PAK5: variants seen among roughly 807,000 people sequenced by gnomAD.
PAK5 encodes the protein serine/threonine-protein kinase PAK 5.
PAK5 carries 16 observed loss-of-function variants against 65.9 expected under a neutral mutation model. The ratio of observed to expected loss-of-function variants is 0.24; its 90% CI spans 0.16 to 0.37. The LOEUF is 0.37. PAK5 is among the 10% of genes least tolerant of loss of function. The pLI is 1.00. For missense variants in PAK5, 785 were observed against 903.9 expected, an observed-to-expected ratio of 0.87 and a Z score of 1.69; for synonymous variants, 371 against 354.9, an observed-to-expected ratio of 1.05 and a Z score of -0.51.
chr20:9,581,323 T>G (rs1353032089), intron 3 of PAK5, among the ~76,000 whole-genome samples: 7 of 152,208 alleles, frequency 4.6e-5, no homozygotes. Context: ...CTATAACTGT[T>G]TGGTAATAAA....
chr20:9,685,422 A>T (rs1008688800), intron 2 of PAK5, among the ~76,000 whole-genome samples: 6 of 152,204 alleles, frequency 3.9e-5, no homozygotes, highest in Non-Finnish European at 7.3e-5. Context: ...GAAAATATGG[A>T]CACGGATATA....
At chr20:9,561,188 C>G (rs1460567938) in intron 6 of PAK5, among the ~76,000 whole-genome samples, 1 of 152,016 alleles carries the variant, frequency 6.6e-6, no homozygotes, top group Non-Finnish European at 1.5e-5. Flanking sequence ...AGTTGACAAT[C>G]CTGGATGAGA....
At chr20:9,649,596 C>A (rs2047177343) in intron 2 of PAK5, among the ~76,000 whole-genome samples, 1 of 152,168 alleles carries the variant, frequency 6.6e-6, no homozygotes, top group Admixed American at 6.5e-5. Context: ...AAGCATATGC[C>A]TAGTCTAAAA....
At chr20:9,543,492 C>G (rs2045298923) in intron 8 of PAK5, among the ~76,000 whole-genome samples, 1 of 152,074 alleles carries the variant, frequency 6.6e-6, no homozygotes, top group Admixed American at 6.5e-5. Flanking sequence ...GAGAATTTCT[C>G]TCTCAGGACC....
At chr20:9,664,206 T>C (rs982260979) in intron 2 of PAK5, among the ~76,000 whole-genome samples, 2 of 152,202 alleles carry the variant, frequency 1.3e-5, no homozygotes, top group Non-Finnish European at 2.9e-5. Context: ...TTATCTCACC[T>C]GAGCAAGGCT....
intron 3 of PAK5, among the ~76,000 whole-genome samples, chr20:9,590,135 C>T (rs940000479): frequency 5.3e-5 from 8 of 151,232 alleles, no homozygotes; most frequent in Non-Finnish European, 1.2e-4. Flanking sequence ...AAATGCCTGG[C>T]TAATTAAAAA....
rs1049292370 is a variant in PAK5, at chr20:9,835,143, T to C, written c.-162+3619A>G. 3.9e-5 allele frequency among the ~76,000 whole-genome samples: 6 copies of C among 152,310 alleles called. No individual in the cohort carries two copies. The East Asian group carries it at 1.2e-3, about 29-fold the overall frequency. ...AGATCTTGAAGTTGGCACAGGAAAA[T>C]GCTATGAGGCAGAGTATTCGTTCCT... On this transcript the variant is annotated intron_variant, in intron 1 of 9. Transcript: ENST00000353224.
At chr20:9,754,814 T>G (rs1178750000) in intron 1 of PAK5, among the ~76,000 whole-genome samples, 1 of 152,112 alleles carries the variant, frequency 6.6e-6, no homozygotes, top group Admixed American at 6.6e-5. Context: ...CAAGATGGAG[T>G]TGGTTAGGTC....
At chr20:9,782,583 A>T (rs2048952280) in intron 1 of PAK5, among the ~76,000 whole-genome samples, 1 of 152,168 alleles carries the variant, frequency 6.6e-6, no homozygotes, top group African/African-American at 2.4e-5. Context: ...CCTCCTACAC[A>T]GGGTTAAAAC....
chr20:9,787,838 A>T (rs1342425678), intron 1 of PAK5, among the ~76,000 whole-genome samples: 1 of 152,164 alleles, frequency 6.6e-6, no homozygotes, highest in Non-Finnish European at 1.5e-5. Context: ...TAATAGTAAA[A>T]TGCAGTAAAA....
chr20:9,799,030 A>C (rs1438943158), intron 1 of PAK5, among the ~76,000 whole-genome samples: 1 of 152,184 alleles, frequency 6.6e-6, no homozygotes, highest in African/African-American at 2.4e-5. Flanking sequence ...GAAAGAATTA[A>C]AAAGTATTTG....
At chr20:9,718,520 A>G (rs1189409276) in intron 1 of PAK5, among the ~76,000 whole-genome samples, 1 of 151,920 alleles carries the variant, frequency 6.6e-6, no homozygotes, top group Non-Finnish European at 1.5e-5. Context: ...GAATGGGCTC[A>G]AGACCTTGTC....
chr20:9,734,518 A>G (rs1288050846), intron 1 of PAK5, among the ~76,000 whole-genome samples: 1 of 151,740 alleles, frequency 6.6e-6, no homozygotes, highest in African/African-American at 2.4e-5. Context: ...AGAAAGCAAG[A>G]GAGAAAAAGA....
chr20:9,615,004 C>A (rs992335799), intron 3 of PAK5, among the ~76,000 whole-genome samples: 15 of 152,016 alleles, frequency 9.9e-5, no homozygotes, highest in Non-Finnish European at 1.9e-4. Flanking sequence ...AACATATATA[C>A]AAATGTGCTA....
At chr20:9,551,356 T>C (rs1340102412) in intron 7 of PAK5, among the ~76,000 whole-genome samples, 1 of 152,122 alleles carries the variant, frequency 6.6e-6, no homozygotes, top group Non-Finnish European at 1.5e-5. Context: ...TAGTATGTTG[T>C]CCGCCCCCTA....
intron 1 of PAK5, among the ~76,000 whole-genome samples, chr20:9,760,833 A>G (rs778211704): frequency 6.6e-6 from 1 of 151,850 alleles, no homozygotes; most frequent in Non-Finnish European, 1.5e-5. Context: ...CACCATGCTC[A>G]GCTAATTTTT....
At chr20:9,652,738 T>C (rs2047217779) in intron 2 of PAK5, among the ~76,000 whole-genome samples, 1 of 152,214 alleles carries the variant, frequency 6.6e-6, no homozygotes. Flanking sequence ...TAGAAACAGC[T>C]GTAACCCCTT....
chr20:9,795,943 A>G (rs111910978), intron 1 of PAK5, among the ~76,000 whole-genome samples: 1,966 of 152,248 alleles, frequency 0.013, 49 homozygotes, highest in African/African-American at 0.042. Flanking sequence ...ATATATGTCC[A>G]TATCAGCATA....
At position 9,730,436 on chromosome 20, in the gene PAK5, C is replaced by T. The variant is rs140968998; in HGVS notation, c.-161-19001G>A. ...TTTTAAAAAGTACACTTCTGTGGAA[C>T]CTTCTGCTTTTAAACAATTCTCTCA... On this transcript the variant is annotated intron_variant, in intron 1 of 9. Transcript: ENST00000353224. Among the ~76,000 whole-genome samples the T allele has an allele frequency of 1.5e-3, 231 of 152,272 alleles. 1 individual carries two copies. Among genetic ancestry groups the T allele is most frequent in the African/African-American group, 5.2e-3 (216 of 41,568 alleles).
Sources: gnomAD v4.1 joint callset for allele counts (sites outside exome capture counted in the v4.1 genomes callset) on GRCh38, gnomAD v4.1.1 for gene constraint, MANE v1.5 for transcripts, NCBI Gene and HGNC (gene_info 2026-07-23, HGNC 2026-07-21) for gene names.